NEDD4: variants seen among roughly 807,000 people sequenced by gnomAD.
NEDD4 encodes E3 ubiquitin-protein ligase NEDD4.
In NEDD4, 99 loss-of-function variants were observed where a neutral mutation model predicts 144.9. The observed-to-expected ratio is 0.68, with a 90% CI of 0.58 to 0.81. NEDD4 has a LOEUF of 0.81. NEDD4 is among the 30% of genes least tolerant of loss of function. The pLI is 0.00. For missense variants in NEDD4, 985 were observed against 1,065.9 expected, an observed-to-expected ratio of 0.92 and a Z score of 1.06; for synonymous variants, 318 against 350.6, an observed-to-expected ratio of 0.91 and a Z score of 1.04.
chr15:55,973,055 C>T (rs1173804688), intron 1 of NEDD4, among the ~76,000 whole-genome samples: 1 of 152,148 alleles, frequency 6.6e-6, no homozygotes, highest in African/African-American at 2.4e-5. Flanking sequence ...CAATATCCCA[C>T]TTTCGGCACT....
At chr15:55,960,132 C>T (rs114083214) in intron 2 of NEDD4, among the ~76,000 whole-genome samples, 3 of 152,150 alleles carry the variant, frequency 2.0e-5, no homozygotes, top group Admixed American at 6.5e-5. Flanking sequence ...CCCCATACCC[C>T]CAAAGGACTG....
chr15:55,833,593 G>A (rs2033060941), intron 26 of NEDD4, among the ~76,000 whole-genome samples: 1 of 152,188 alleles, frequency 6.6e-6, no homozygotes, highest in South Asian at 2.1e-4. Context: ...CATGGGAGGT[G>A]GAGGTGGCAG....
At chr15:55,948,570 T>G (rs2037169853) in intron 4 of NEDD4, among the ~76,000 whole-genome samples, 1 of 152,120 alleles carries the variant, frequency 6.6e-6, no homozygotes, top group South Asian at 2.1e-4. Context: ...AAGGCTACAG[T>G]AACCAAAACA....
intron 4 of NEDD4, among the ~76,000 whole-genome samples, chr15:55,949,336 C>T (rs2142296033): frequency 6.6e-6 from 1 of 152,254 alleles, no homozygotes; most frequent in East Asian, 1.9e-4. Context: ...AATAGGAATA[C>T]TTTTACACTG....
At chr15:55,937,146 A>C (rs1437735926) in intron 4 of NEDD4, among the ~76,000 whole-genome samples, 4 of 152,146 alleles carry the variant, frequency 2.6e-5, no homozygotes, top group African/African-American at 4.8e-5. Flanking sequence ...TTGTGTTGTC[A>C]ATAACAGTTT....
intron 1 of NEDD4, among the ~76,000 whole-genome samples, chr15:55,981,202 A>T (rs1159883252): frequency 6.6e-6 from 1 of 151,754 alleles, no homozygotes; most frequent in Non-Finnish European, 1.5e-5. Context: ...ACCACCACAC[A>T]CAGCTAATTC....
chr15:55,865,750 G>A (rs547825072), intron 8 of NEDD4, among the ~76,000 whole-genome samples: 81 of 152,108 alleles, frequency 5.3e-4, no homozygotes, highest in African/African-American at 1.8e-3. Context: ...ACCTGAAAAC[G>A]AGGCCTCAGG....
intron 2 of NEDD4, among the ~76,000 whole-genome samples, chr15:55,955,907 C>T (rs2037330282): frequency 6.6e-6 from 1 of 151,344 alleles, no homozygotes; most frequent in African/African-American, 2.4e-5. Flanking sequence ...CCTCAACTTC[C>T]TGGGCTCAAG....
At chr15:55,939,371 C>T (rs564737802) in intron 4 of NEDD4, among the ~76,000 whole-genome samples, 14 of 152,268 alleles carry the variant, frequency 9.2e-5, no homozygotes, top group African/African-American at 2.9e-4. Context: ...AGAAGGTGCC[C>T]GCTTCCTGTT....
intron 1 of NEDD4, among the ~76,000 whole-genome samples, chr15:55,980,792 G>A (rs72734392): frequency 0.13 from 20,338 of 151,732 alleles, 1,466 homozygotes; most frequent in East Asian, 0.32. Flanking sequence ...GTGTGTGTAG[G>A]GGTGTGTGTG....
At chr15:55,966,578 T>G (rs1376100754) in intron 1 of NEDD4, 32 bp from the exon 2 acceptor site, 2 of 1,352,610 alleles carry the variant, frequency 1.5e-6, no homozygotes, top group South Asian at 1.5e-5. Context: ...TTCATTTTCA[T>G]GTACTTATAA....
chr15:55,881,242 G>A (rs1363764618), intron 5 of NEDD4, among the ~76,000 whole-genome samples: 7 of 150,838 alleles, frequency 4.6e-5, no homozygotes, highest in Admixed American at 2.6e-4. Flanking sequence ...CCCGGGTTCC[G>A]GCAATTCTCC....
chr15:55,852,303 TA>T (rs879814846), intron 13 of NEDD4, 120 bp downstream of exon 13: 103,594 of 880,258 alleles, frequency 0.12, 20 homozygotes, highest in East Asian at 0.14. Context: ...CTCAAAAAAA[TA>T]AAAAAAAAAA....
rs755131702 is a variant in NEDD4 at position 55,834,263 on chromosome 15, C to T, written c.2286G>A (p.Gln762=). 3 of 1,608,422 alleles carry T rather than the reference C, an allele frequency of 1.9e-6. No individual in the cohort carries two copies. The Admixed American group carries it at 5.0e-5, about 27-fold the overall frequency. ...FKEGFFELIP[Q]DLIKIFDENE... The stretch of plus-strand genomic sequence containing the variant: ...TTTCATCAAAAATTTTGATGAGATC[C>T]TGTGGTATTAGTTCAAAGAATCCCT... The change falls in exon 25 of 29, where the codon CAG becomes CAA. Residue 762 remains glutamine (Q), a synonymous_variant. Transcript: ENST00000435532.
intron 2 of NEDD4, 125 bp from the exon 3 acceptor site, chr15:55,951,714 T>C: frequency 1.4e-6 from 1 of 736,250 alleles, no homozygotes. Flanking sequence ...TTCCTGAATT[T>C]AAAAGTCAGG....
chr15:55,914,239 T>A (rs796254653), intron 5 of NEDD4, among the ~76,000 whole-genome samples: 44 of 151,784 alleles, frequency 2.9e-4, no homozygotes, highest in African/African-American at 1.0e-3. Context: ...ACATAATGGA[T>A]GTTACAAAAA....
chr15:55,871,982 T>G (rs1409079853), intron 7 of NEDD4, among the ~76,000 whole-genome samples: 1 of 152,188 alleles, frequency 6.6e-6, no homozygotes, highest in African/African-American at 2.4e-5. Flanking sequence ...ATTCCAGTCT[T>G]ATGTTATTTT....
At chr15:55,955,922 C>T (rs1043778739) in intron 2 of NEDD4, among the ~76,000 whole-genome samples, 1 of 150,306 alleles carries the variant, frequency 6.7e-6, no homozygotes, top group Admixed American at 6.7e-5. Flanking sequence ...CTCAAGTGAT[C>T]TTCCCACCTC....
At chr15:55,836,119 C>T (rs1231472634) in intron 24 of NEDD4, among the ~76,000 whole-genome samples, 1 of 152,152 alleles carries the variant, frequency 6.6e-6, no homozygotes. Context: ...CCCTCTTCTC[C>T]ATGGTTGGCC....
Sources: gnomAD v4.1 joint callset for allele counts (sites outside exome capture counted in the v4.1 genomes callset) on GRCh38, gnomAD v4.1.1 for gene constraint, MANE v1.5 for transcripts, NCBI Gene and HGNC (gene_info 2026-07-23, HGNC 2026-07-21) for gene names.